NEK11: variants seen among roughly 807,000 people sequenced by gnomAD.
The protein encoded by NEK11 is serine/threonine-protein kinase Nek11.
A neutral mutation model predicts 80.7 loss-of-function variants in NEK11; 72 were observed. That is an observed-to-expected ratio of 0.89 (90% confidence interval 0.74 to 1.08). The LOEUF (loss-of-function observed/expected upper bound fraction) is 1.08. Ranked by LOEUF, NEK11 falls within the 50% of genes least tolerant of loss-of-function variation. The pLI is 0.00. For synonymous variants in NEK11, 251 were observed against 260.7 expected, an observed-to-expected ratio of 0.96 and a Z score of 0.36; for missense variants, 764 against 763.6, an observed-to-expected ratio of 1.00 and a Z score of -0.01.
chr3:131,186,977 CATT>C (rs1186156036), intron 14 of NEK11, among the ~76,000 whole-genome samples: 1 of 152,088 alleles, frequency 6.6e-6, no homozygotes, highest in Non-Finnish European at 1.5e-5. Context: ...GAATTACTTC[CATT>C]ATTTTCTCCT....
At chr3:131,124,042 G>T (rs1038287191) in intron 5 of NEK11, among the ~76,000 whole-genome samples, 1 of 152,074 alleles carries the variant, frequency 6.6e-6, no homozygotes, top group South Asian at 2.1e-4. Flanking sequence ...AGTCAGACTT[G>T]TCCTCTTGTG....
intron 16 of NEK11, among the ~76,000 whole-genome samples, chr3:131,272,079 A>G (rs1323450755): frequency 1.3e-5 from 2 of 152,194 alleles, no homozygotes; most frequent in Admixed American, 6.5e-5. Context: ...CAGCCTGGGC[A>G]ACAAGAGCGA....
intron 3 of NEK11, among the ~76,000 whole-genome samples, chr3:131,037,784 CAATTTT>C (rs1560118403): frequency 1.3e-5 from 2 of 152,084 alleles, no homozygotes; most frequent in African/African-American, 4.8e-5. Context: ...TCTTTACTTT[CAATTTT>C]GAGTCATTTT....
intron 17 of NEK11, among the ~76,000 whole-genome samples, chr3:131,291,255 C>A (rs1212811748): frequency 6.6e-6 from 1 of 152,116 alleles, no homozygotes; most frequent in Non-Finnish European, 1.5e-5. Flanking sequence ...CTTTTCATGG[C>A]TTAATAGGTT....
At chr3:131,281,935 C>A (rs1302336253) in intron 17 of NEK11, among the ~76,000 whole-genome samples, 1 of 152,172 alleles carries the variant, frequency 6.6e-6, no homozygotes, top group African/African-American at 2.4e-5. Flanking sequence ...AGCAAACACA[C>A]TTGAGATTAA....
At chr3:131,315,467 CTG>C (rs111470166) in intron 17 of NEK11, among the ~76,000 whole-genome samples, 17,333 of 137,420 alleles carry the variant, frequency 0.13, 1,657 homozygotes, top group African/African-American at 0.26. Flanking sequence ...AATAATATTC[CTG>C]TGTGTGTGTG....
intron 5 of NEK11, among the ~76,000 whole-genome samples, chr3:131,113,931 G>A (rs544836969): frequency 4.1e-5 from 6 of 146,308 alleles, no homozygotes; most frequent in African/African-American, 1.5e-4. Flanking sequence ...AAAAAAAAAG[G>A]CAATCTTGCT....
intron 17 of NEK11, among the ~76,000 whole-genome samples, chr3:131,343,891 T>C (rs1040147799): frequency 6.6e-6 from 1 of 152,182 alleles, no homozygotes; most frequent in Non-Finnish European, 1.5e-5. Context: ...GGGGCTGCCA[T>C]GAATATCACT....
chr3:131,144,902 A>G (rs1044128387), intron 7 of NEK11, among the ~76,000 whole-genome samples: 3 of 152,188 alleles, frequency 2.0e-5, no homozygotes, highest in African/African-American at 7.2e-5. Flanking sequence ...GATTTCCAAA[A>G]CAGAGAGTAC....
At chr3:131,334,668 T>C (rs1324864729) in intron 17 of NEK11, among the ~76,000 whole-genome samples, 2 of 151,864 alleles carry the variant, frequency 1.3e-5, no homozygotes. Flanking sequence ...AAAAAATTAA[T>C]GAATCCAGGA....
intron 7 of NEK11, among the ~76,000 whole-genome samples, chr3:131,151,262 G>A (rs993228571): frequency 4.0e-5 from 6 of 151,826 alleles, no homozygotes; most frequent in African/African-American, 1.2e-4. Flanking sequence ...AATATTACAC[G>A]GGCTCTATTT....
rs376505872 is a variant in NEK11 at position 131,215,249 on chromosome 3, A to C, written c.1400-13279A>C. On this transcript the variant is annotated intron_variant, in intron 14 of 17. Transcript: ENST00000383366. ...GAGAACACTTGGTCACAGGAAGGGG[A>C]ACATCACACACCGGGGCCTGTTGTG... Among the ~76,000 whole-genome samples, 371 of 133,914 alleles carry C rather than the reference A, an allele frequency of 2.8e-3. 9 individuals are homozygous for C. The South Asian group carries it at 0.034, about 12-fold the overall frequency. 87.9% of individuals were successfully genotyped at this position (133,914 alleles called of 152,430 possible).
At chr3:131,266,650 T>C (rs950273676) in intron 16 of NEK11, among the ~76,000 whole-genome samples, 14 of 152,222 alleles carry the variant, frequency 9.2e-5, no homozygotes, top group African/African-American at 2.9e-4. Context: ...TTAGAATAAG[T>C]GCGATGTGGT....
intron 11 of NEK11, among the ~76,000 whole-genome samples, chr3:131,164,711 G>T: frequency 6.6e-6 from 1 of 152,160 alleles, no homozygotes; most frequent in Non-Finnish European, 1.5e-5. Flanking sequence ...TCTTGATTTT[G>T]TGAATAAGTT....
chr3:131,217,866 G>A (rs2094895541), intron 14 of NEK11, among the ~76,000 whole-genome samples: 1 of 152,190 alleles, frequency 6.6e-6, no homozygotes, highest in African/African-American at 2.4e-5. Context: ...ATTTTATGGA[G>A]CATCTACCAT....
At chr3:131,149,344 G>T (rs2089158144) in intron 7 of NEK11, among the ~76,000 whole-genome samples, 1 of 151,960 alleles carries the variant, frequency 6.6e-6, no homozygotes, top group African/African-American at 2.4e-5. Context: ...ATATTCCACA[G>T]TTTATTTTCT....
At chr3:131,319,167 C>T (rs900440008) in intron 17 of NEK11, among the ~76,000 whole-genome samples, 2 of 152,096 alleles carry the variant, frequency 1.3e-5, no homozygotes, top group African/African-American at 2.4e-5. Context: ...AGGATTCTTA[C>T]TTATTGCCAA....
At chr3:131,162,352 A>G (rs1353382310) in intron 10 of NEK11, 56 bp from the exon 11 acceptor site, 2 of 1,579,556 alleles carry the variant, frequency 1.3e-6, no homozygotes, top group Non-Finnish European at 1.7e-6. Context: ...TATTTGTTTA[A>G]TTTTTCTGAA....
At chr3:131,095,801 A>G (rs1310326200) in intron 4 of NEK11, among the ~76,000 whole-genome samples, 1 of 152,178 alleles carries the variant, frequency 6.6e-6, no homozygotes, top group African/African-American at 2.4e-5. Context: ...GGAAACTTCC[A>G]AAGTTGGTTT....
Sources: gnomAD v4.1 joint callset for allele counts (sites outside exome capture counted in the v4.1 genomes callset) on GRCh38, gnomAD v4.1.1 for gene constraint, MANE v1.5 for transcripts, NCBI Gene and HGNC (gene_info 2026-07-23, HGNC 2026-07-21) for gene names.